PIAS1: variants seen among roughly 807,000 people sequenced by gnomAD.
PIAS1 encodes the protein protein inhibitor of activated STAT 1, also known as E3 SUMO-protein ligase PIAS1.
Under a neutral mutation model 71.3 loss-of-function variants are expected in PIAS1, and 6 were observed. The observed-to-expected ratio is 0.08, with a 90% CI of 0.05 to 0.17. The LOEUF (loss-of-function observed/expected upper bound fraction) is 0.17, where lower values mean the gene tolerates loss of function less well. PIAS1 is among the 10% of genes least tolerant of loss of function. The probability of loss-of-function intolerance (pLI) is 1.00; values close to 1 mark genes in which losing one functional copy is unlikely to be tolerated. For missense variants in PIAS1, 555 were observed against 793.6 expected (o/e 0.70, Z 3.61); for synonymous variants, 303 against 292.9 (o/e 1.03, Z -0.35).
intron 8 of PIAS1, among the ~76,000 whole-genome samples, chr15:68,168,912 C>G (rs750072464): frequency 2.0e-5 from 3 of 152,184 alleles, no homozygotes; most frequent in Non-Finnish European, 4.4e-5. Flanking sequence ...AAGATATGAA[C>G]TGACAGCTGG....
At chr15:68,119,414 C>T (rs2092595564) in intron 2 of PIAS1, among the ~76,000 whole-genome samples, 1 of 151,440 alleles carries the variant, frequency 6.6e-6, no homozygotes, top group Admixed American at 6.6e-5. Flanking sequence ...CACTGCACTC[C>T]AGCCTGGGCA....
chr15:68,151,656 C>T (rs1046082899), intron 6 of PIAS1, among the ~76,000 whole-genome samples: 16 of 107,812 alleles, frequency 1.5e-4, no homozygotes, highest in African/African-American at 5.1e-4. Context: ...CCCATCTCTA[C>T]TAAAAACAAA....
intron 2 of PIAS1, among the ~76,000 whole-genome samples, chr15:68,115,051 A>G (rs894484044): frequency 5.3e-5 from 8 of 152,104 alleles, no homozygotes; most frequent in Non-Finnish European, 8.8e-5. Flanking sequence ...TTAATTATGA[A>G]CACCACTAGA....
chr15:68,187,827 T>A lies in PIAS1; in HGVS notation c.1948T>A (p.Leu650Met). 6.2e-7 allele frequency: 1 copy of A among 1,612,232 alleles called. No homozygotes were observed. Among genetic ancestry groups the A allele is most frequent in the Non-Finnish European group, 8.5e-7 (1 of 1,179,078 alleles). The change falls in exon 14 of 14, where the codon TTG becomes ATG. Residue 650 changes from leucine (L) to methionine (M), a missense_variant. Transcript: ENST00000249636. This position sits in a 1 kb window ranked among gnomAD's most constrained non-coding sequence, Gnocchi z 5.3. The part of the protein sequence containing the change: ...IFGIIPDIIS[L>M]D ...TGGCATCATACCAGACATTATTTCA[T>A]TGGACTGATTCCCAGGCCCTGCTGC...
chr15:68,153,549 C>A, intron 6 of PIAS1, 41 bp from the exon 7 acceptor site: 1 of 889,452 alleles, frequency 1.1e-6, no homozygotes, highest in African/African-American at 1.7e-5. Flanking sequence ...GTACTATTTA[C>A]TTACATATGT....
rs2093099643 is a variant in PIAS1 at position 68,188,047 on chromosome 15, G to A, written c.*212G>A. 6 of 350,624 alleles carry A rather than the reference G, an allele frequency of 1.7e-5. No individual in the cohort carries two copies. The highest frequency in any genetic ancestry group is 3.1e-5 in the Non-Finnish European group (6 of 196,216). 21.7% of individuals were successfully genotyped at this position (350,624 alleles called of 1,614,324 possible). ...TGTATATAAATCTAAGACTGCCTGTGTGATAAAACACTTGTTTAAAAAAAA... is the reference window on the plus strand; with the variant it reads ...TGTATATAAATCTAAGACTGCCTGTATGATAAAACACTTGTTTAAAAAAAA... On this transcript the variant is annotated 3_prime_UTR_variant, in exon 14 of 14. Transcript: ENST00000249636.
intron 1 of PIAS1, among the ~76,000 whole-genome samples, chr15:68,064,536 A>G (rs1475028586): frequency 6.6e-6 from 1 of 152,264 alleles, no homozygotes; most frequent in African/African-American, 2.4e-5. Flanking sequence ...ATTTCAGTTT[A>G]TCAGAGTGGG....
At position 68,191,525 on chromosome 15, in the gene PIAS1, G is replaced by T. The variant is rs1482468561; in HGVS notation, c.*3690G>T. On this transcript the variant is annotated 3_prime_UTR_variant, in exon 14 of 14. Transcript: ENST00000249636. ...AGGGGACAATCCCTATGAGACAAGT[G>T]ATAATGGTTTGTGCTTCCAAAGCAC... is the stretch of plus-strand genomic sequence containing the variant. 1.3e-5 allele frequency: 2 copies of T among 152,660 alleles called. No homozygotes were observed. The highest frequency in any genetic ancestry group is 2.1e-4 in the South Asian group (1 of 4,834). The allele number at this position is 152,660 out of a possible 1,614,324, so 9.5% of individuals were successfully genotyped here. A position where few individuals can be genotyped will look rare whatever the true frequency, so the allele number is the denominator to read the frequency against.
rs551693342 is a variant in PIAS1 at position 68,104,472 on chromosome 15, C to G, written c.469+17722C>G. On this transcript the variant is annotated intron_variant, in intron 2 of 13. Transcript: ENST00000249636. ...TAAGAGTAATTACTGTGTCTTGCCT[C>G]TTCTCCTCTTCACTAATTTATTCTA... is the stretch of plus-strand genomic sequence containing the variant. Among the ~76,000 whole-genome samples the G allele has an allele frequency of 2.0e-5, 3 of 152,282 alleles. No homozygotes were observed. The South Asian group carries it at 6.2e-4, about 32-fold the overall frequency.
intron 2 of PIAS1, among the ~76,000 whole-genome samples, chr15:68,088,145 C>T: frequency 1.0e-5 from 1 of 98,130 alleles, no homozygotes; most frequent in Non-Finnish European, 2.0e-5. Context: ...ATATCATATG[C>T]ATCTTTTCTT....
At chr15:68,157,275 G>T (rs2092897234) in intron 7 of PIAS1, among the ~76,000 whole-genome samples, 1 of 152,100 alleles carries the variant, frequency 6.6e-6, no homozygotes. Flanking sequence ...TCTGCTCTTT[G>T]TCCTGTGTTT....
chr15:68,071,146 C>T (rs2092091055), intron 1 of PIAS1, among the ~76,000 whole-genome samples: 1 of 151,944 alleles, frequency 6.6e-6, no homozygotes, highest in Admixed American at 6.6e-5. Context: ...CATTGAGTTG[C>T]TGGTGCTTTC....
In PIAS1 at chr15:68,099,259, C is replaced by CT. The variant is rs554957140; in HGVS notation, c.469+12523dup. The stretch of plus-strand genomic sequence containing the variant: ...GGTGACTATATATGTATATATATTT[C>CT]TTTTTTTTTTTTTTACTCTTCAAAG... On this transcript the variant is annotated intron_variant, in intron 2 of 13. Coordinates refer to ENST00000249636, the MANE Select transcript of PIAS1 (RefSeq NM_016166.3). Among the ~76,000 whole-genome samples, 358 of 132,630 alleles carry CT rather than the reference C, an allele frequency of 2.7e-3. 1 individual carries two copies. Among genetic ancestry groups the CT allele is most frequent in the South Asian group, 0.023 (96 of 4,246 alleles). 87.0% of individuals were successfully genotyped at this position (132,630 alleles called of 152,430 possible).
intron 7 of PIAS1, among the ~76,000 whole-genome samples, chr15:68,160,441 G>A (rs989947231): frequency 2.0e-5 from 3 of 152,050 alleles, no homozygotes; most frequent in African/African-American, 4.8e-5. Flanking sequence ...ATCTATTTCC[G>A]GACGTTATTC....
Position 68,146,609 on chromosome 15 carries a change from C to G in PIAS1, c.737C>G (p.Pro246Arg). The change falls in exon 6 of 14, where the codon CCC becomes CGC. Residue 246 changes from proline to arginine, a missense_variant. Transcript: ENST00000249636. ...AAAAATGGCGTGGAACCAAAGCGAC[C>G]CAGCCGACCAATTAATATCACCTCA... Reference protein sequence around the residue: ...PTKNGVEPKRPSRPINITSLV... With the variant: ...PTKNGVEPKRRSRPINITSLV... The G allele has an allele frequency of 1.2e-6, 2 of 1,612,984 alleles. No individual in the cohort carries two copies. Among genetic ancestry groups the G allele is most frequent in the Non-Finnish European group, 1.7e-6 (2 of 1,179,184 alleles).
rs763915443 is a variant in PIAS1, at chr15:68,146,593, G to T, written c.721G>T (p.Val241Leu). The change falls in exon 6 of 14, where the codon GTG becomes TTG. Residue 241 changes from valine (V) to leucine (L), a missense_variant. By Grantham distance (32) the Val-to-Leu change is conservative. This residue lies in a region of PIAS1 where 134 missense variants were observed against 203.4 expected (regional missense o/e 0.66). Transcript: ENST00000249636. The stretch of plus-strand genomic sequence containing the variant: ...TTACCTTCCACCTACAAAAAATGGC[G>T]TGGAACCAAAGCGACCCAGCCGACC... ...PGYLPPTKNG[V>L]EPKRPSRPIN... 1.9e-6 allele frequency: 3 copies of T among 1,612,494 alleles called. No homozygotes were observed. Among genetic ancestry groups the T allele is most frequent in the African/African-American group, 1.3e-5 (1 of 74,946 alleles).
intron 1 of PIAS1, among the ~76,000 whole-genome samples, chr15:68,072,629 T>C (rs1400846524): frequency 6.6e-6 from 1 of 152,116 alleles, no homozygotes; most frequent in Non-Finnish European, 1.5e-5. Flanking sequence ...TTCCTCCACA[T>C]CCAAGTCTTT....
At chr15:68,156,727 AAG>A (rs56927626) in intron 7 of PIAS1, among the ~76,000 whole-genome samples, 1,772 of 143,776 alleles carry the variant, frequency 0.012, 108 homozygotes, top group East Asian at 0.036. Flanking sequence ...AAAAAAAAAA[AAG>A]AGAGAGAGAG....
intron 2 of PIAS1, among the ~76,000 whole-genome samples, chr15:68,123,704 GA>G: frequency 6.6e-6 from 1 of 152,118 alleles, no homozygotes; most frequent in Admixed American, 6.5e-5. Context: ...GCCACATCTA[GA>G]AATGTAAGTG....
Sources: allele counts gnomAD v4.1 joint callset (sites outside exome capture counted in the v4.1 genomes callset), GRCh38; gene constraint gnomAD v4.1.1; regional missense constraint gnomAD v4.1.1; non-coding constraint Gnocchi (gnomAD v3.1); transcripts MANE v1.5; gene names NCBI Gene and HGNC (gene_info 2026-07-23, HGNC 2026-07-21).